Variants in PRKN observed in about 807,000 individuals in gnomAD.
The protein encoded by PRKN is parkin RBR E3 ubiquitin protein ligase.
PRKN carries 56 observed loss-of-function variants against 59.5 expected under a neutral mutation model. The observed-to-expected ratio is 0.94, with a 90% CI of 0.76 to 1.18. The LOEUF (loss-of-function observed/expected upper bound fraction) is 1.18. PRKN is among the 50% of genes most tolerant of loss of function. PRKN has a pLI of 0.00. For synonymous variants in PRKN, 250 were observed against 222.1 expected, an observed-to-expected ratio of 1.13 and a Z score of -1.12; for missense variants, 657 against 596.4, an observed-to-expected ratio of 1.10 and a Z score of -1.06.
At chr6:162,580,440 G>GAAAAA (rs56059992) in intron 1 of PRKN, among the ~76,000 whole-genome samples, 2,246 of 120,458 alleles carry the variant, frequency 0.019, 61 homozygotes, top group African/African-American at 0.071. Context: ...CCCTGTCTCA[G>GAAAAA]AAAAAAAAAA....
At chr6:161,522,027 G>T (rs893999214) in intron 9 of PRKN, among the ~76,000 whole-genome samples, 2 of 152,138 alleles carry the variant, frequency 1.3e-5, no homozygotes, top group African/African-American at 2.4e-5. Flanking sequence ...GGGCTGGGAG[G>T]GGTGGCAGAA....
At chr6:162,110,056 CAGTTTA>C (rs1442568549) in intron 4 of PRKN, among the ~76,000 whole-genome samples, 3 of 152,140 alleles carry the variant, frequency 2.0e-5, no homozygotes, top group Non-Finnish European at 4.4e-5. Flanking sequence ...TTGTTTGCAA[CAGTTTA>C]AGTTTTAGTC....
intron 1 of PRKN, among the ~76,000 whole-genome samples, chr6:162,692,440 T>C (rs1777812098): frequency 6.6e-6 from 1 of 152,202 alleles, no homozygotes; most frequent in African/African-American, 2.4e-5. Flanking sequence ...AACAATGTGA[T>C]TTATGGCAAA....
chr6:162,128,953 CA>C (rs1781234520), intron 4 of PRKN, among the ~76,000 whole-genome samples: 1 of 152,178 alleles, frequency 6.6e-6, no homozygotes, highest in African/African-American at 2.4e-5. Context: ...CAATTTGTGA[CA>C]TTCTTTTATT....
At chr6:162,708,931 C>G (rs756967760) in intron 1 of PRKN, among the ~76,000 whole-genome samples, 1 of 152,144 alleles carries the variant, frequency 6.6e-6, no homozygotes, top group Admixed American at 6.5e-5. Context: ...ACAGGTGCTC[C>G]CTATCACTTG....
At chr6:162,480,268 C>T (rs912663777) in intron 1 of PRKN, among the ~76,000 whole-genome samples, 6 of 152,098 alleles carry the variant, frequency 3.9e-5, no homozygotes, top group Non-Finnish European at 5.9e-5. Context: ...GCGAAGACAT[C>T]ACTAGGCTAT....
At chr6:162,009,731 T>C (rs9346894) in intron 5 of PRKN, among the ~76,000 whole-genome samples, 72,487 of 151,314 alleles carry the variant, frequency 0.48, 17,780 homozygotes, top group East Asian at 0.6. Flanking sequence ...AAGTCAGGAG[T>C]GTGAAACGAG....
At chr6:162,207,014 A>G (rs1032768556) in intron 3 of PRKN, among the ~76,000 whole-genome samples, 4 of 152,158 alleles carry the variant, frequency 2.6e-5, no homozygotes, top group African/African-American at 7.2e-5. Flanking sequence ...GTTCCACATG[A>G]AATTCATTTG....
At chr6:162,546,588 A>T (rs541850517) in intron 1 of PRKN, among the ~76,000 whole-genome samples, 1 of 151,450 alleles carries the variant, frequency 6.6e-6, no homozygotes, top group African/African-American at 2.4e-5. Context: ...GGATTACAGG[A>T]GTGTGCCACC....
chr6:162,488,840 G>T (rs919604762), intron 1 of PRKN, among the ~76,000 whole-genome samples: 1 of 152,134 alleles, frequency 6.6e-6, no homozygotes, highest in Non-Finnish European at 1.5e-5. Context: ...AAAGGGTCCT[G>T]CCCTCATGGA....
At chr6:162,653,339 T>C (rs1387826382) in intron 1 of PRKN, among the ~76,000 whole-genome samples, 1 of 152,138 alleles carries the variant, frequency 6.6e-6, no homozygotes, top group African/African-American at 2.4e-5. Context: ...TGTGTTTGTG[T>C]GCGTGTCTGT....
intron 7 of PRKN, among the ~76,000 whole-genome samples, chr6:161,734,749 T>C (rs914665000): frequency 2.0e-5 from 3 of 152,190 alleles, no homozygotes; most frequent in African/African-American, 7.2e-5. Context: ...TCCAAGCCAA[T>C]GCTATTGAGT....
intron 2 of PRKN, among the ~76,000 whole-genome samples, chr6:162,385,238 G>A (rs187202505): frequency 4.6e-5 from 7 of 152,256 alleles, no homozygotes; most frequent in Admixed American, 2.6e-4. Flanking sequence ...TAGCAGGTTT[G>A]CATGCCACTT....
chr6:162,125,491 A>C (rs765706808), intron 4 of PRKN, among the ~76,000 whole-genome samples: 10 of 152,204 alleles, frequency 6.6e-5, no homozygotes, highest in Non-Finnish European at 1.0e-4. Flanking sequence ...AAAGACATAA[A>C]ACACTGTTTC....
intron 1 of PRKN, among the ~76,000 whole-genome samples, chr6:162,507,247 A>G (rs1793651280): frequency 1.3e-5 from 2 of 151,984 alleles, no homozygotes; most frequent in Admixed American, 6.6e-5. Context: ...GCTCCCTAAG[A>G]CTCATTCTCC....
intron 4 of PRKN, among the ~76,000 whole-genome samples, chr6:162,198,022 A>T (rs1293236011): frequency 6.6e-6 from 1 of 152,164 alleles, no homozygotes; most frequent in Non-Finnish European, 1.5e-5. Flanking sequence ...GAAGGGCAGG[A>T]AGTGAATGAT....
intron 5 of PRKN, among the ~76,000 whole-genome samples, chr6:162,044,514 T>A (rs999116289): frequency 2.0e-4 from 30 of 152,192 alleles, no homozygotes; most frequent in African/African-American, 5.5e-4. Context: ...CCCTGTTTCA[T>A]GTCCTCTTAA....
chr6:161,533,406 G>A lies in PRKN; in HGVS notation c.1083+15448C>T, dbSNP rs542007827. On this transcript the variant is annotated intron_variant, in intron 9 of 11. Transcript: ENST00000366898. The surrounding 1 kb of genome is among the most constrained non-coding windows in gnomAD (Gnocchi z 4.1). ...GCAGACACAAACAAGCATGCTGGAA[G>A]CTTGCACAGGTACATGCTGGCAGTT... is the stretch of plus-strand genomic sequence containing the variant. 7.2e-5 allele frequency among the ~76,000 whole-genome samples: 11 copies of A among 152,230 alleles called. No individual in the cohort carries two copies. The South Asian group carries it at 2.3e-3, about 32-fold the overall frequency.
intron 1 of PRKN, among the ~76,000 whole-genome samples, chr6:162,455,717 T>TCAC (rs1554328558): frequency 3.3e-5 from 5 of 152,108 alleles, no homozygotes; most frequent in African/African-American, 1.2e-4. Flanking sequence ...CAAAAGGCGG[T>TCAC]CACTTTCCAC....
Sources: allele counts gnomAD v4.1 joint callset (sites outside exome capture counted in the v4.1 genomes callset), GRCh38; gene constraint gnomAD v4.1.1; non-coding constraint Gnocchi (gnomAD v3.1); transcripts MANE v1.5; gene names NCBI Gene and HGNC (gene_info 2026-07-23, HGNC 2026-07-21).